SOD2: variants seen among roughly 807,000 people sequenced by gnomAD.
The protein encoded by SOD2 is superoxide dismutase 2, also known as superoxide dismutase [Mn], mitochondrial.
In SOD2, 11 loss-of-function variants were observed where a neutral mutation model predicts 27.0. The ratio of observed to expected loss-of-function variants is 0.41; its 90% CI spans 0.26 to 0.67. The LOEUF (loss-of-function observed/expected upper bound fraction) is 0.67, where lower values mean the gene tolerates loss of function less well. Among genes scored for constraint, SOD2 ranks in the 30% least tolerant of loss-of-function variants. SOD2 has a pLI of 0.34. For synonymous variants in SOD2, 105 were observed against 103.0 expected (o/e 1.02, Z -0.12); for missense variants, 250 against 274.5 (o/e 0.91, Z 0.63).
chr6:159,675,685 T>C lies in SOD2; in HGVS notation c.*6808A>G, dbSNP rs1310904069. On this transcript the variant is annotated 3_prime_UTR_variant, in exon 5 of 5. Transcript: ENST00000538183. ...TGCAGTACCATTCAGGACACAGGCA[T>C]GGGCAAGGACTTCATGTCTAAAACA... is the stretch of plus-strand genomic sequence containing the variant. The C allele has an allele frequency of 6.6e-6, 1 of 152,158 alleles. No individual in the cohort carries two copies. The highest frequency in any genetic ancestry group is 1.5e-5 in the Non-Finnish European group (1 of 68,038). The allele number at this position is 152,158 out of a possible 1,614,324, so 9.4% of individuals were successfully genotyped here.
At chr6:159,687,316 C>A (rs1362623453) in intron 3 of SOD2, among the ~76,000 whole-genome samples, 1 of 151,938 alleles carries the variant, frequency 6.6e-6, no homozygotes, top group Non-Finnish European at 1.5e-5. Flanking sequence ...GAAACCCTGT[C>A]TCTACCAAAA....
intron 1 of SOD2, among the ~76,000 whole-genome samples, chr6:159,711,720 A>C (rs201693472): frequency 1.1e-4 from 11 of 102,018 alleles, no homozygotes; most frequent in Non-Finnish European, 1.7e-4. Context: ...TCTGATCACC[A>C]TAACCACCTC....
chr6:159,740,673 G>T (rs146893519), intron 1 of SOD2, among the ~76,000 whole-genome samples: 3 of 150,024 alleles, frequency 2.0e-5, no homozygotes, highest in Non-Finnish European at 4.5e-5. Flanking sequence ...GATTAGTTTG[G>T]TATTAGGAAG....
At chr6:159,714,057 C>T (rs1777880709) in intron 1 of SOD2, 2 of 624,310 alleles carry the variant, frequency 3.2e-6, no homozygotes, top group Non-Finnish European at 5.9e-6. Context: ...AATTATCCTC[C>T]TTCTGCCTTC....
chr6:159,721,648 T>C (rs1158138988), intron 1 of SOD2, among the ~76,000 whole-genome samples: 1 of 149,886 alleles, frequency 6.7e-6, no homozygotes, highest in Non-Finnish European at 1.5e-5. Flanking sequence ...GATTACAGGA[T>C]TACAGGCATG....
chr6:159,713,452 T>G (rs577726758), intron 1 of SOD2: 2 of 650,566 alleles, frequency 3.1e-6, no homozygotes, highest in Non-Finnish European at 2.8e-6. Flanking sequence ...CTAGAAGATT[T>G]CAATGTACCT....
chr6:159,697,298 T>C (rs750860137), upstream of SOD2, among the ~76,000 whole-genome samples: 2 of 152,174 alleles, frequency 1.3e-5, no homozygotes, highest in African/African-American at 2.4e-5. Flanking sequence ...TTCTGCTTTT[T>C]TAAAATTTGG....
At chr6:159,684,334 T>C (rs567613519) in intron 4 of SOD2, among the ~76,000 whole-genome samples, 24 of 152,264 alleles carry the variant, frequency 1.6e-4, no homozygotes, top group Non-Finnish European at 2.5e-4. Flanking sequence ...AGTAAAACAT[T>C]TGGCTGGGCA....
intron 3 of SOD2, 39 bp downstream of exon 3, chr6:159,688,087 G>C: frequency 9.2e-7 from 1 of 1,087,790 alleles, no homozygotes; most frequent in Non-Finnish European, 1.4e-6. Context: ...TTCCTACTGT[G>C]CACAAAATGT....
At chr6:159,757,242 G>C (rs1173842953) in intron 1 of SOD2, among the ~76,000 whole-genome samples, 1 of 152,110 alleles carries the variant, frequency 6.6e-6, no homozygotes, top group Non-Finnish European at 1.5e-5. Context: ...GACATAACTT[G>C]TAATACAATC....
chr6:159,762,060 C>T, exon 1 of SOD2: 1 of 1,611,696 alleles, frequency 6.2e-7, no homozygotes. Flanking sequence ...GCAGGCAGCG[C>T]AGGGCAGACG....
chr6:159,734,227 T>C (rs910476150), intron 1 of SOD2, among the ~76,000 whole-genome samples: 11 of 152,006 alleles, frequency 7.2e-5, no homozygotes, highest in African/African-American at 2.7e-4. Context: ...TTGCCCGGGC[T>C]CGGTTCAAAC....
intron 1 of SOD2, among the ~76,000 whole-genome samples, chr6:159,733,924 A>AG (rs1300918613): frequency 6.6e-6 from 1 of 152,222 alleles, no homozygotes. Flanking sequence ...CTCCAAAAAA[A>AG]AAGATTAAAC....
intron 1 of SOD2, among the ~76,000 whole-genome samples, chr6:159,759,838 T>C (rs1780086831): frequency 6.6e-6 from 1 of 152,376 alleles, no homozygotes; most frequent in South Asian, 2.1e-4. Context: ...GATTGGCTCC[T>C]AAACTTACTC....
chr6:159,759,249 G>A (rs1387558221), intron 1 of SOD2, among the ~76,000 whole-genome samples: 1 of 150,102 alleles, frequency 6.7e-6, no homozygotes, highest in Non-Finnish European at 1.5e-5. Context: ...AGTAGAGACA[G>A]AGTTTCTGCA....
chr6:159,726,508 GA>G, intron 1 of SOD2: 1 of 306,974 alleles, frequency 3.3e-6, no homozygotes, highest in South Asian at 2.6e-5. Context: ...CCAATCAAAA[GA>G]ATTACGTGCT....
upstream of SOD2, among the ~76,000 whole-genome samples, chr6:159,732,134 C>T (rs2842970): frequency 0.46 from 70,606 of 151,876 alleles, 18,502 homozygotes; most frequent in Non-Finnish European, 0.58. Flanking sequence ...TATTTTTGAT[C>T]CGAGTACTGT....
At chr6:159,684,227 T>A (rs1780082300) in intron 4 of SOD2, among the ~76,000 whole-genome samples, 1 of 152,174 alleles carries the variant, frequency 6.6e-6, no homozygotes, top group African/African-American at 2.4e-5. Context: ...GTATTTCTTT[T>A]CCTCACTCTT....
At chr6:159,692,902 C>T (rs1453650906) in intron 1 of SOD2, 39 bp from the exon 2 acceptor site, 1 of 1,522,890 alleles carries the variant, frequency 6.6e-7, no homozygotes, top group Non-Finnish European at 8.8e-7. Flanking sequence ...GTCAGCGCCG[C>T]GGGACCGTCT....
Sources: allele counts gnomAD v4.1 joint callset (sites outside exome capture counted in the v4.1 genomes callset), GRCh38; gene constraint gnomAD v4.1.1; transcripts MANE v1.5; gene names NCBI Gene and HGNC (gene_info 2026-07-23, HGNC 2026-07-21).